PTBP2: variants seen among roughly 807,000 people sequenced by gnomAD.
PTBP2 encodes the protein polypyrimidine tract-binding protein 2.
A neutral mutation model predicts 61.4 loss-of-function variants in PTBP2; 13 were observed. That is an observed-to-expected ratio of 0.21 (90% confidence interval 0.14 to 0.34). The LOEUF is 0.34. Ranked by LOEUF, PTBP2 falls within the 10% of genes least tolerant of loss-of-function variation. The pLI is 1.00. For missense variants in PTBP2, 405 were observed against 642.6 expected (o/e 0.63, Z 4.00); for synonymous variants, 215 against 218.5 (o/e 0.98, Z 0.14).
At chr1:96,735,723 A>G (rs1652065822) in intron 2 of PTBP2, among the ~76,000 whole-genome samples, 1 of 152,218 alleles carries the variant, frequency 6.6e-6, no homozygotes, top group African/African-American at 2.4e-5. Flanking sequence ...AGAGAAGCAA[A>G]GAGATGAAAA....
Position 96,769,886 on chromosome 1 carries a change from TTCA to T in PTBP2, c.288+12_288+14del. 1 of 1,572,134 alleles carries T rather than the reference TTCA, an allele frequency of 6.4e-7. No individual in the cohort carries two copies. ...AAAGGAAAAAATCAGGTACACTTCT[TTCA>T]GGGTTTATGAAATGTTAAACCCCAA... On this transcript the variant is annotated intron_variant, in intron 4 of 13. Transcript: ENST00000674951.
intron 11 of PTBP2, among the ~76,000 whole-genome samples, chr1:96,808,754 T>A (rs1661742671): frequency 6.6e-6 from 1 of 152,114 alleles, no homozygotes; most frequent in Non-Finnish European, 1.5e-5. Context: ...TCTTGAACTG[T>A]GTGACCATAA....
intron 3 of PTBP2, among the ~76,000 whole-genome samples, chr1:96,765,379 T>C (rs1397767205): frequency 2.0e-5 from 3 of 152,190 alleles, no homozygotes; most frequent in Non-Finnish European, 4.4e-5. Context: ...GTTGAAAGTA[T>C]AACGGTGAAT....
intron 5 of PTBP2, among the ~76,000 whole-genome samples, chr1:96,772,052 A>G (rs1234991736): frequency 6.6e-6 from 1 of 152,056 alleles, no homozygotes; most frequent in Non-Finnish European, 1.5e-5. Flanking sequence ...CTCAGTTTCA[A>G]CACTGTCTGC....
intron 5 of PTBP2, among the ~76,000 whole-genome samples, chr1:96,774,905 A>C (rs1000996525): frequency 6.6e-6 from 1 of 152,138 alleles, no homozygotes; most frequent in African/African-American, 2.4e-5. Flanking sequence ...GTAATGGTGC[A>C]TCCTGTAACC....
intron 8 of PTBP2, among the ~76,000 whole-genome samples, chr1:96,794,269 A>G (rs1660142740): frequency 1.3e-5 from 2 of 152,190 alleles, no homozygotes; most frequent in South Asian, 4.1e-4. Context: ...TGTGTAATGA[A>G]ATCTTCTGCA....
intron 3 of PTBP2, among the ~76,000 whole-genome samples, chr1:96,768,563 C>T (rs1012032758): frequency 2.0e-5 from 3 of 151,868 alleles, no homozygotes; most frequent in Non-Finnish European, 4.4e-5. Flanking sequence ...GACTAAGAAC[C>T]ATTGATCTGG....
At chr1:96,761,136 CAGAA>C (rs1287261380) in intron 3 of PTBP2, among the ~76,000 whole-genome samples, 4 of 152,080 alleles carry the variant, frequency 2.6e-5, no homozygotes, top group East Asian at 3.9e-4. Flanking sequence ...TGGAGATTAA[CAGAA>C]AGGGAATATG....
Position 96,813,009 on chromosome 1 carries a change from T to G in PTBP2, c.1389-20T>G. On this transcript the variant is annotated intron_variant, in intron 12 of 13. Coordinates refer to ENST00000674951, the MANE Select transcript of PTBP2 (RefSeq NM_021190.4). ...ATTTATTCTTAATCTTCACTTTTTC[T>G]TCCCATTCAATTTTCCTAGTCCATC... 1.2e-6 allele frequency: 2 copies of G among 1,604,662 alleles called. No homozygotes were observed. Among genetic ancestry groups the G allele is most frequent in the Non-Finnish European group, 1.7e-6 (2 of 1,171,656 alleles).
chr1:96,793,013 A>G (rs979209049), intron 8 of PTBP2, among the ~76,000 whole-genome samples: 2 of 152,206 alleles, frequency 1.3e-5, no homozygotes, highest in Non-Finnish European at 2.9e-5. Flanking sequence ...GCTGAATGCC[A>G]TAGTAACACC....
At chr1:96,724,675 A>T (rs946144543) in intron 2 of PTBP2, among the ~76,000 whole-genome samples, 2 of 107,348 alleles carry the variant, frequency 1.9e-5, no homozygotes, top group Non-Finnish European at 3.5e-5. Context: ...TGTATCCATA[A>T]TGGGGGGAGG....
chr1:96,772,026 G>A (rs1305789669), intron 5 of PTBP2, among the ~76,000 whole-genome samples: 1 of 152,132 alleles, frequency 6.6e-6, no homozygotes, highest in Non-Finnish European at 1.5e-5. Flanking sequence ...CAGGTCTGCA[G>A]TGTTCTCCAA....
intron 2 of PTBP2, among the ~76,000 whole-genome samples, chr1:96,731,966 A>G (rs916513074): frequency 1.3e-5 from 2 of 152,162 alleles, no homozygotes; most frequent in South Asian, 4.1e-4. Context: ...CCAATACGGT[A>G]AAATGTTAAC....
chr1:96,783,997 T>C lies in PTBP2; in HGVS notation c.709-1062T>C, dbSNP rs188046854. ...TAGGTAGATTAGTCCATAAAAAAAT[T>C]CGTATATTAAGAGAAAAGGTTTTAT... On this transcript the variant is annotated intron_variant, in intron 7 of 13. Transcript: ENST00000674951. Among the ~76,000 whole-genome samples the C allele has an allele frequency of 4.4e-4, 67 of 152,246 alleles. No homozygotes were observed. In the East Asian group the frequency reaches 0.012, roughly 27 times the overall value.
In PTBP2 at chr1:96,814,677, T is replaced by C. The variant is rs899305067; in HGVS notation, c.*1272T>C. 1 of 152,560 alleles carries C rather than the reference T, an allele frequency of 6.6e-6. No homozygotes were observed. The highest frequency in any genetic ancestry group is 2.4e-5 in the African/African-American group (1 of 41,456). The allele number at this position is 152,560 out of a possible 1,614,324, so 9.5% of individuals were successfully genotyped here. ...GTTTCAAGATTCATAGATTCTGTTA[T>C]CTATGTAGACAGAATGGTCATGTAT... On this transcript the variant is annotated 3_prime_UTR_variant, in exon 14 of 14. Transcript: ENST00000674951.
At chr1:96,768,483 T>G (rs760736614) in intron 3 of PTBP2, among the ~76,000 whole-genome samples, 2 of 152,018 alleles carry the variant, frequency 1.3e-5, no homozygotes, top group Non-Finnish European at 2.9e-5. Context: ...GGAGTATACA[T>G]GTATATTTCT....
chr1:96,817,812 A>G (rs1662539933), downstream of PTBP2: 1 of 152,054 alleles, frequency 6.6e-6, no homozygotes, highest in Non-Finnish European at 1.5e-5. Flanking sequence ...CTGTAGGCTA[A>G]ATTTCTTGTT....
intron 2 of PTBP2, among the ~76,000 whole-genome samples, chr1:96,741,508 C>T (rs1038765625): frequency 5.3e-5 from 8 of 152,102 alleles, no homozygotes; most frequent in Non-Finnish European, 8.8e-5. Flanking sequence ...GCAGTTCTCC[C>T]GCATTGGCCT....
intron 2 of PTBP2, among the ~76,000 whole-genome samples, chr1:96,738,490 G>A (rs1248432178): frequency 2.7e-5 from 4 of 150,026 alleles, no homozygotes; most frequent in Admixed American, 1.3e-4. Context: ...AGCCAGGATG[G>A]TCTAGATCTC....
Sources: gnomAD v4.1 joint callset for allele counts (sites outside exome capture counted in the v4.1 genomes callset) on GRCh38, gnomAD v4.1.1 for gene constraint, MANE v1.5 for transcripts, NCBI Gene and HGNC (gene_info 2026-07-23, HGNC 2026-07-21) for gene names.